DOCK1: variants seen among roughly 807,000 people sequenced by gnomAD.
The protein encoded by DOCK1 is dedicator of cytokinesis 1.
A neutral mutation model predicts 262.7 loss-of-function variants in DOCK1; 138 were observed. The observed-to-expected ratio is 0.53, with a 90% confidence interval of 0.46 to 0.61. The LOEUF (loss-of-function observed/expected upper bound fraction) is 0.61. Ranked by LOEUF, DOCK1 falls within the 20% of genes least tolerant of loss-of-function variation. The probability of loss-of-function intolerance (pLI) is 0.00; values close to 1 mark genes in which losing one functional copy is unlikely to be tolerated. For synonymous variants in DOCK1, 866 were observed against 867.4 expected (o/e 1.00, Z 0.03); for missense variants, 1,908 against 2,370.7 (o/e 0.80, Z 4.05).
intron 27 of DOCK1, among the ~76,000 whole-genome samples, chr10:127,171,594 T>C (rs2054577649): frequency 6.6e-6 from 1 of 152,182 alleles, no homozygotes; most frequent in African/African-American, 2.4e-5. Flanking sequence ...CCCTGTATGC[T>C]TTATTGGGGT....
At chr10:127,086,874 AT>A in intron 23 of DOCK1, among the ~76,000 whole-genome samples, 1 of 152,236 alleles carries the variant, frequency 6.6e-6, no homozygotes, top group East Asian at 1.9e-4. Context: ...GCATAATTAA[AT>A]TAATAACGTG....
chr10:127,017,313 G>A (rs1426686870), intron 12 of DOCK1, among the ~76,000 whole-genome samples: 4 of 136,570 alleles, frequency 2.9e-5, no homozygotes, highest in Admixed American at 7.5e-5. Context: ...ACACAGACAC[G>A]CACACAGACA....
rs2055160324 is a variant in DOCK1, at chr10:127,176,397, G to T, written c.2847+48633G>T. On this transcript the variant is annotated intron_variant, in intron 27 of 51. Transcript: ENST00000623213. This position sits in a 1 kb window ranked among gnomAD's most constrained non-coding sequence, Gnocchi z 4.4. ...TTTGCCGGTGTCCTTACTGACCATG[G>T]TTCCTGCATTCAGAAACAGCAACAG... is the stretch of plus-strand genomic sequence containing the variant. 4 of 1,595,492 alleles carry T rather than the reference G, an allele frequency of 2.5e-6. No individual in the cohort carries two copies. The highest frequency in any genetic ancestry group is 1.7e-4 in the Middle Eastern group (1 of 5,976).
At chr10:127,384,682 T>G in intron 37 of DOCK1, 108 bp from the exon 38 acceptor site, 1 of 1,295,118 alleles carries the variant, frequency 7.7e-7, no homozygotes, top group Non-Finnish European at 1.0e-6. Context: ...CAGCCACACA[T>G]GTCTCCAGAA....
intron 1 of DOCK1, among the ~76,000 whole-genome samples, chr10:126,965,172 G>A (rs887732693): frequency 6.6e-6 from 1 of 152,210 alleles, no homozygotes; most frequent in African/African-American, 2.4e-5. Context: ...ATTTAGGTCT[G>A]CGTGTAACTT....
intron 1 of DOCK1, among the ~76,000 whole-genome samples, chr10:126,936,318 A>T (rs1170463933): frequency 6.6e-6 from 1 of 152,176 alleles, no homozygotes; most frequent in East Asian, 1.9e-4. Context: ...CCAGAAAGTA[A>T]ATATTTTAGG....
chr10:127,036,144 G>A (rs1306426369), intron 18 of DOCK1, among the ~76,000 whole-genome samples: 1 of 152,182 alleles, frequency 6.6e-6, no homozygotes, highest in East Asian at 1.9e-4. Context: ...TACACGTCAT[G>A]TCAGTTAATT....
chr10:127,396,514 A>G (rs528231318), intron 38 of DOCK1, among the ~76,000 whole-genome samples: 1 of 152,236 alleles, frequency 6.6e-6, no homozygotes, highest in South Asian at 2.1e-4. Flanking sequence ...ACACTCCGTA[A>G]AGGATGGTCT....
At chr10:127,396,754 CAAAAAAAAAA>C (rs372642343) in intron 38 of DOCK1, among the ~76,000 whole-genome samples, 3 of 134,146 alleles carry the variant, frequency 2.2e-5, no homozygotes, top group African/African-American at 5.6e-5. Flanking sequence ...ATCTCTGTTA[CAAAAAAAAAA>C]AAAAAAAAAT....
In DOCK1 at chr10:127,024,716, C is replaced by T. The variant is rs779665451; in HGVS notation, c.1484C>T (p.Ala495Val). The change falls in exon 15 of 52, where the codon GCG (alanine) becomes GTG (valine). Residue 495 changes from alanine to valine, a missense_variant. Physicochemically the swap from Ala to Val is moderately conservative, Grantham distance 64. Coordinates refer to ENST00000623213, the MANE Select transcript of DOCK1 (RefSeq NM_001290223.2). ...ATTTTCCCGGGTGCTGGTGATGAAGCGATTTCAGAGTACAAATCTGTGATT... is the reference window on the plus strand; with the variant it reads ...ATTTTCCCGGGTGCTGGTGATGAAGTGATTTCAGAGTACAAATCTGTGATT... ...HVIFPGAGDEAISEYKSVIYY... is the reference protein window; with the variant it reads ...HVIFPGAGDEVISEYKSVIYY... 1.7e-5 allele frequency: 27 copies of T among 1,612,110 alleles called. No individual in the cohort carries two copies. The highest frequency in any genetic ancestry group is 6.7e-5 in the Admixed American group (4 of 59,778).
chr10:127,137,025 T>G (rs1262645083), intron 27 of DOCK1: 1 of 152,642 alleles, frequency 6.6e-6, no homozygotes, highest in Non-Finnish European at 1.5e-5. Context: ...AATGTATTAT[T>G]TGGCCTTTGG....
intron 1 of DOCK1, among the ~76,000 whole-genome samples, chr10:126,935,882 A>G (rs2034528323): frequency 6.6e-6 from 1 of 152,246 alleles, no homozygotes; most frequent in African/African-American, 2.4e-5. Context: ...TATTTGTTGA[A>G]TGGACGAGGC....
intron 27 of DOCK1, among the ~76,000 whole-genome samples, chr10:127,183,429 A>G (rs1346779328): frequency 4.6e-5 from 7 of 152,218 alleles, no homozygotes; most frequent in African/African-American, 1.7e-4. Flanking sequence ...GCCAAATCCT[A>G]AACTTTGCAT....
chr10:127,227,458 C>T (rs1028557341), intron 27 of DOCK1, among the ~76,000 whole-genome samples: 7 of 152,200 alleles, frequency 4.6e-5, no homozygotes, highest in Non-Finnish European at 7.3e-5. Context: ...GAAGCAGGCA[C>T]GAAAGGCATA....
intron 1 of DOCK1, among the ~76,000 whole-genome samples, chr10:126,955,249 C>T (rs1445306750): frequency 6.6e-6 from 1 of 152,150 alleles, no homozygotes; most frequent in Non-Finnish European, 1.5e-5. Context: ...CCTCAGCCTC[C>T]CAAGTAGCTG....
intron 29 of DOCK1, among the ~76,000 whole-genome samples, chr10:127,324,996 T>G (rs2062695891): frequency 6.6e-6 from 1 of 152,130 alleles, no homozygotes. Flanking sequence ...CCTTCAACAC[T>G]GGGCTTCCTA....
intron 38 of DOCK1, among the ~76,000 whole-genome samples, chr10:127,389,581 TG>T (rs1370543858): frequency 1.3e-5 from 2 of 152,194 alleles, no homozygotes; most frequent in Admixed American, 1.3e-4. Context: ...TCTGGGTCCC[TG>T]CCCAAATCTG....
chr10:127,240,099 A>T (rs1298304263), intron 27 of DOCK1, among the ~76,000 whole-genome samples: 1 of 152,150 alleles, frequency 6.6e-6, no homozygotes, highest in Non-Finnish European at 1.5e-5. Flanking sequence ...TTGTTTTTAA[A>T]TTATATTTCT....
At chr10:127,159,287 C>A (rs1265846717) in intron 27 of DOCK1, among the ~76,000 whole-genome samples, 1 of 152,188 alleles carries the variant, frequency 6.6e-6, no homozygotes, top group Non-Finnish European at 1.5e-5. Flanking sequence ...GCTTACAGAA[C>A]ACAGCGTGGA....
Sources: gnomAD v4.1 joint callset for allele counts (sites outside exome capture counted in the v4.1 genomes callset) on GRCh38, gnomAD v4.1.1 for gene constraint, Gnocchi (gnomAD v3.1) non-coding constraint, MANE v1.5 for transcripts, NCBI Gene and HGNC (gene_info 2026-07-23, HGNC 2026-07-21) for gene names.